Variants in NRXN3 observed in about 807,000 individuals in gnomAD.
NRXN3 encodes the protein neurexin 3.
Under a neutral mutation model 137.6 loss-of-function variants are expected in NRXN3, and 32 were observed. The observed-to-expected ratio is 0.23, with a 90% CI of 0.18 to 0.31. NRXN3 has a LOEUF of 0.31. NRXN3 is among the 10% of genes least tolerant of loss of function. The pLI is 1.00. For synonymous variants in NRXN3, 798 were observed against 784.5 expected (o/e 1.02, Z -0.29); for missense variants, 1,574 against 2,062.5 (o/e 0.76, Z 4.59).
chr14:78,396,504 G>A (rs2091473327), intron 4 of NRXN3, among the ~76,000 whole-genome samples: 1 of 152,156 alleles, frequency 6.6e-6, no homozygotes, highest in Non-Finnish European at 1.5e-5. Flanking sequence ...GCCATTATTT[G>A]AAGGTAGGTG....
At chr14:79,772,813 A>T (rs895668917) in intron 19 of NRXN3, among the ~76,000 whole-genome samples, 1 of 152,218 alleles carries the variant, frequency 6.6e-6, no homozygotes, top group African/African-American at 2.4e-5. Flanking sequence ...TGCACAGCAG[A>T]AGAAACTACC....
chr14:79,478,793 A>G (rs999880171), intron 16 of NRXN3, among the ~76,000 whole-genome samples: 1 of 152,134 alleles, frequency 6.6e-6, no homozygotes, highest in Non-Finnish European at 1.5e-5. Context: ...AAGACCAAAG[A>G]GATGCTGAGA....
intron 20 of NRXN3, among the ~76,000 whole-genome samples, chr14:79,840,275 T>C (rs1250082358): frequency 6.6e-6 from 1 of 152,178 alleles, no homozygotes; most frequent in Non-Finnish European, 1.5e-5. Context: ...TGGGGAACTT[T>C]TAAAACATGT....
chr14:79,129,209 CCTT>C (rs906723139), intron 15 of NRXN3, among the ~76,000 whole-genome samples: 41 of 151,472 alleles, frequency 2.7e-4, no homozygotes, highest in African/African-American at 1.0e-3. Context: ...TTATTTCTTG[CCTT>C]CTTCTAGCTT....
Position 79,447,468 on chromosome 14 carries a change from C to T in NRXN3, c.3263-19753C>T, listed in dbSNP as rs180750102. ...AAAACAAAAATGACCTTTTATTAGT[C>T]AAGAGAAATAAGATAACTAATTTAG... On this transcript the variant is annotated intron_variant, in intron 15 of 20. Coordinates refer to ENST00000335750, the MANE Select transcript of NRXN3 (RefSeq NM_001330195.2). 2.3e-4 allele frequency among the ~76,000 whole-genome samples: 35 copies of T among 152,262 alleles called. No individual in the cohort carries two copies. In the Middle Eastern group the frequency reaches 0.01, roughly 44 times the overall value.
rs568848994 is a variant in NRXN3 at position 79,519,326 on chromosome 14, A to G, written c.3444+51924A>G. On this transcript the variant is annotated intron_variant, in intron 16 of 20. Coordinates refer to ENST00000335750, the MANE Select transcript of NRXN3 (RefSeq NM_001330195.2). ...CCTCTTTTTCATGATGAGATAATCT[A>G]ATGTTTACCCTTTTTAATTTTTTTG... Among the ~76,000 whole-genome samples the G allele has an allele frequency of 1.5e-4, 23 of 152,172 alleles. No individual in the cohort carries two copies. In the South Asian group the frequency reaches 3.7e-3, roughly 25 times the overall value.
At chr14:78,382,383 G>A (rs1014246396) in intron 4 of NRXN3, among the ~76,000 whole-genome samples, 1 of 152,226 alleles carries the variant, frequency 6.6e-6, no homozygotes, top group African/African-American at 2.4e-5. Flanking sequence ...AGAACAGAGA[G>A]AGGATTTTTG....
chr14:79,245,826 A>G (rs2075084822), intron 15 of NRXN3, among the ~76,000 whole-genome samples: 1 of 152,152 alleles, frequency 6.6e-6, no homozygotes, highest in Non-Finnish European at 1.5e-5. Flanking sequence ...AAAAATAATC[A>G]CTGCGATACT....
At chr14:78,199,860 G>A (rs1381674997) in intron 1 of NRXN3, among the ~76,000 whole-genome samples, 2 of 152,218 alleles carry the variant, frequency 1.3e-5, no homozygotes, top group African/African-American at 2.4e-5. Context: ...CCGTGAGCCA[G>A]GGAGGAACTC....
chr14:79,196,759 T>C (rs1434406506), intron 15 of NRXN3, among the ~76,000 whole-genome samples: 2 of 152,212 alleles, frequency 1.3e-5, no homozygotes, highest in Non-Finnish European at 2.9e-5. Flanking sequence ...GCTGCAAAGA[T>C]ACAGAGGTAT....
At chr14:78,199,506 G>T (rs1394340498) in intron 1 of NRXN3, among the ~76,000 whole-genome samples, 2 of 152,112 alleles carry the variant, frequency 1.3e-5, no homozygotes, top group African/African-American at 4.8e-5. Flanking sequence ...TGTAAGGTAG[G>T]TATCATATTT....
intron 10 of NRXN3, among the ~76,000 whole-genome samples, chr14:78,876,798 T>C (rs908363506): frequency 2.6e-5 from 4 of 152,202 alleles, no homozygotes; most frequent in Admixed American, 1.3e-4. Context: ...TTGTGAGGAT[T>C]AAATAAGAGC....
At chr14:78,225,980 T>TTG (rs1347864670) in intron 1 of NRXN3, among the ~76,000 whole-genome samples, 8,095 of 132,996 alleles carry the variant, frequency 0.061, 287 homozygotes, top group African/African-American at 0.12. Context: ...TGTTGGTGTG[T>TTG]GTGTGTGTGT....
At chr14:78,216,058 A>G (rs369894452) in intron 1 of NRXN3, among the ~76,000 whole-genome samples, 100 of 152,356 alleles carry the variant, frequency 6.6e-4, no homozygotes, top group African/African-American at 2.3e-3. Context: ...GGAGCATGGT[A>G]TAAAAACTTT....
intron 15 of NRXN3, among the ~76,000 whole-genome samples, chr14:79,290,810 T>C (rs763457283): frequency 6.6e-6 from 1 of 152,214 alleles, no homozygotes; most frequent in Non-Finnish European, 1.5e-5. Context: ...TTCTTTACAA[T>C]TGATAACTAA....
Position 79,828,002 on chromosome 14 carries a change from A to G in NRXN3, c.4093+22812A>G, listed in dbSNP as rs1287584005. 2.0e-5 allele frequency among the ~76,000 whole-genome samples: 3 copies of G among 152,200 alleles called. No homozygotes were observed. In the East Asian group the frequency reaches 5.8e-4, roughly 30 times the overall value. On this transcript the variant is annotated intron_variant, in intron 20 of 20. Coordinates refer to ENST00000335750, the MANE Select transcript of NRXN3 (RefSeq NM_001330195.2). ...TGAGCCACAGCACCTGGCCGCCACAAACTTTTATATGACCGGATCTCACTG... is the reference window on the plus strand; with the variant it reads ...TGAGCCACAGCACCTGGCCGCCACAGACTTTTATATGACCGGATCTCACTG...
At chr14:78,294,016 A>G (rs1596944119) in intron 3 of NRXN3, among the ~76,000 whole-genome samples, 1 of 152,274 alleles carries the variant, frequency 6.6e-6, no homozygotes, top group Non-Finnish European at 1.5e-5. Context: ...CCATTTTCCA[A>G]GACCTGTTAA....
intron 4 of NRXN3, among the ~76,000 whole-genome samples, chr14:78,566,633 G>A (rs767582737): frequency 1.1e-4 from 16 of 152,172 alleles, no homozygotes; most frequent in African/African-American, 3.6e-4. Context: ...CTGCGTGCTT[G>A]CCCCGAGCCC....
intron 20 of NRXN3, among the ~76,000 whole-genome samples, chr14:79,818,726 A>G (rs778889475): frequency 6.6e-6 from 1 of 152,210 alleles, no homozygotes; most frequent in Non-Finnish European, 1.5e-5. Flanking sequence ...AAACACACAC[A>G]CACTTTTTGT....
Sources: allele counts gnomAD v4.1 joint callset (sites outside exome capture counted in the v4.1 genomes callset), GRCh38; gene constraint gnomAD v4.1.1; transcripts MANE v1.5; gene names NCBI Gene and HGNC (gene_info 2026-07-23, HGNC 2026-07-21).